Variants in SIL1 observed in about 807,000 individuals in gnomAD.
The protein encoded by SIL1 is SIL1 nucleotide exchange factor.
In SIL1, 40 loss-of-function variants were observed where a neutral mutation model predicts 49.1. That is an observed-to-expected ratio of 0.81 (90% CI 0.63 to 1.06). The LOEUF (loss-of-function observed/expected upper bound fraction) is 1.06, where lower values mean the gene tolerates loss of function less well. Among genes scored for constraint, SIL1 ranks in the 50% least tolerant of loss-of-function variants. The pLI, the probability that SIL1 is intolerant of heterozygous loss-of-function variation, is 0.00. For missense variants in SIL1, 500 were observed against 572.6 expected (o/e 0.87, Z 1.29); for synonymous variants, 253 against 250.8 (o/e 1.01, Z -0.08).
At chr5:139,081,889 A>C (rs1471954709) in intron 3 of SIL1, among the ~76,000 whole-genome samples, 1 of 151,984 alleles carries the variant, frequency 6.6e-6, no homozygotes, top group Non-Finnish European at 1.5e-5. Context: ...AAAAAAAAAA[A>C]ACAAAAAAAA....
chr5:139,185,560 T>C (rs993554727), intron 1 of SIL1, among the ~76,000 whole-genome samples: 33 of 152,236 alleles, frequency 2.2e-4, no homozygotes, highest in African/African-American at 1.2e-4. Context: ...TTATGACCGA[T>C]GTCAAGTGAG....
chr5:139,129,737 G>A (rs1383155569), intron 1 of SIL1, among the ~76,000 whole-genome samples: 3 of 152,144 alleles, frequency 2.0e-5, no homozygotes, highest in Non-Finnish European at 4.4e-5. Context: ...AACTAGAAAT[G>A]AATCAAAGAC....
intron 3 of SIL1, among the ~76,000 whole-genome samples, chr5:139,112,798 C>T (rs1246262547): frequency 5.3e-5 from 8 of 152,072 alleles, no homozygotes; most frequent in East Asian, 3.9e-4. Flanking sequence ...CTGGGAGGTG[C>T]ACCCAACAGC....
intron 7 of SIL1, among the ~76,000 whole-genome samples, chr5:138,974,839 G>A (rs542547929): frequency 6.6e-6 from 1 of 152,180 alleles, no homozygotes; most frequent in African/African-American, 2.4e-5. Context: ...TCTGTGCTAT[G>A]AGCTTCATGT....
At chr5:139,169,075 G>A (rs754271381) in intron 1 of SIL1, among the ~76,000 whole-genome samples, 1 of 152,170 alleles carries the variant, frequency 6.6e-6, no homozygotes, top group Non-Finnish European at 1.5e-5. Context: ...GAGCCCAGGA[G>A]TTGGATGGTA....
intron 7 of SIL1, among the ~76,000 whole-genome samples, chr5:138,958,316 T>TAGAAA (rs996937768): frequency 2.6e-4 from 40 of 152,356 alleles, no homozygotes; most frequent in South Asian, 2.1e-3. Context: ...ATGCCGTATC[T>TAGAAA]TTCTCAGTGT....
intron 7 of SIL1, among the ~76,000 whole-genome samples, chr5:139,004,442 C>T (rs1486936613): frequency 6.6e-6 from 1 of 152,176 alleles, no homozygotes; most frequent in Non-Finnish European, 1.5e-5. Context: ...GGAAAAGTAT[C>T]AGCCAAACCT....
chr5:139,027,240 G>A (rs1428957969), intron 5 of SIL1, among the ~76,000 whole-genome samples: 1 of 152,170 alleles, frequency 6.6e-6, no homozygotes, highest in Non-Finnish European at 1.5e-5. Context: ...ATTCAAGTCC[G>A]ATTTCCAATA....
chr5:139,106,587 AG>A (rs1770717808), intron 3 of SIL1, among the ~76,000 whole-genome samples: 1 of 152,328 alleles, frequency 6.6e-6, no homozygotes, highest in Admixed American at 6.5e-5. Context: ...TGGGCTTCTG[AG>A]GGTAAATGCT....
chr5:139,188,829 C>G (rs991170785), intron 1 of SIL1, among the ~76,000 whole-genome samples: 2 of 152,172 alleles, frequency 1.3e-5, no homozygotes, highest in Non-Finnish European at 2.9e-5. Flanking sequence ...CCAATAAAAT[C>G]CCCTCATCAG....
Position 139,148,883 on chromosome 5 carries a change from C to T in SIL1, c.-10-21030G>A, listed in dbSNP as rs76475077. 3.2e-3 allele frequency among the ~76,000 whole-genome samples: 486 copies of T among 152,316 alleles called. 8 individuals are homozygous for T. The East Asian group carries it at 0.034, about 11-fold the overall frequency. ...CCCTCCTGCAAAGTAGGAGGCAATT[C>T]TTTCCAATTATTCCATCCTGAGTCT... On this transcript the variant is annotated intron_variant, in intron 1 of 9. Coordinates refer to ENST00000394817, the MANE Select transcript of SIL1 (RefSeq NM_022464.5).
At chr5:139,122,509 C>T (rs999943198) in intron 2 of SIL1, among the ~76,000 whole-genome samples, 2 of 151,738 alleles carry the variant, frequency 1.3e-5, no homozygotes, top group African/African-American at 4.8e-5. Flanking sequence ...GCAACAGGAT[C>T]GTTAGAGCCC....
chr5:138,967,190 C>A (rs1194894857), intron 7 of SIL1, among the ~76,000 whole-genome samples: 1 of 152,198 alleles, frequency 6.6e-6, no homozygotes, highest in Non-Finnish European at 1.5e-5. Context: ...AGGAATTACT[C>A]TAAAGCAGTG....
chr5:139,192,214 A>T (rs561487598), intron 1 of SIL1, among the ~76,000 whole-genome samples: 27 of 147,470 alleles, frequency 1.8e-4, no homozygotes, highest in Non-Finnish European at 3.7e-4. Context: ...ACATAGCAAG[A>T]CCCCATCTCA....
At chr5:138,954,515 G>A (rs1766858815) in intron 7 of SIL1, among the ~76,000 whole-genome samples, 1 of 152,234 alleles carries the variant, frequency 6.6e-6, no homozygotes, top group Admixed American at 6.5e-5. Flanking sequence ...GCCTTTTAGG[G>A]CTGCCCAGGC....
chr5:139,007,135 T>C (rs1340210323), intron 7 of SIL1, among the ~76,000 whole-genome samples: 6 of 146,420 alleles, frequency 4.1e-5, no homozygotes, highest in East Asian at 3.9e-4. Flanking sequence ...TTTTATTTCA[T>C]TGAGCAGTGT....
intron 7 of SIL1, among the ~76,000 whole-genome samples, chr5:138,970,910 A>G (rs1339701631): frequency 1.3e-5 from 2 of 150,836 alleles, no homozygotes; most frequent in African/African-American, 4.9e-5. Context: ...AAAGAGCAAA[A>G]CTCAAAAAAA....
chr5:139,150,331 T>A (rs1359012803), intron 1 of SIL1, among the ~76,000 whole-genome samples: 14 of 152,114 alleles, frequency 9.2e-5, no homozygotes, highest in Non-Finnish European at 1.8e-4. Context: ...CTCATCCTCC[T>A]CCAGGACTGC....
At chr5:139,136,237 G>A (rs566735590) in intron 1 of SIL1, among the ~76,000 whole-genome samples, 1 of 152,304 alleles carries the variant, frequency 6.6e-6, no homozygotes, top group African/African-American at 2.4e-5. Context: ...AGAAGACATG[G>A]CAGGCACTCA....
Sources: allele counts gnomAD v4.1 joint callset (sites outside exome capture counted in the v4.1 genomes callset), GRCh38; gene constraint gnomAD v4.1.1; transcripts MANE v1.5; gene names NCBI Gene and HGNC (gene_info 2026-07-23, HGNC 2026-07-21).